Variants in CD1B observed in about 807,000 individuals in gnomAD.
The protein encoded by CD1B is CD1b molecule.
A neutral mutation model predicts 39.8 loss-of-function variants in CD1B; 43 were observed. The ratio of observed to expected loss-of-function variants is 1.08; its 90% CI spans 0.85 to 1.39. CD1B has a LOEUF of 1.39. Ranked by LOEUF, CD1B falls within the 40% of genes most tolerant of loss-of-function variation. The pLI is 0.00. For missense variants in CD1B, 495 were observed against 403.8 expected (o/e 1.23, Z -1.94); for synonymous variants, 192 against 152.5 (o/e 1.26, Z -1.91).
chr1:158,320,901 G>A, the CD1B span, among the ~76,000 whole-genome samples: 2 of 151,954 alleles, frequency 1.3e-5, no homozygotes, highest in Non-Finnish European at 2.9e-5. Flanking sequence ...TTTTTAATAT[G>A]TTAAGACTTT....
At chr1:158,290,905 A>G in the CD1B span, among the ~76,000 whole-genome samples, 1 of 152,138 alleles carries the variant, frequency 6.6e-6, no homozygotes, top group Admixed American at 6.5e-5. Flanking sequence ...AAGATGGATC[A>G]ATGAAGAAGC....
chr1:158,324,980 T>C (rs938770544), downstream of CD1B, among the ~76,000 whole-genome samples: 11 of 152,130 alleles, frequency 7.2e-5, no homozygotes, highest in Non-Finnish European at 1.6e-4. Flanking sequence ...TTCATGAGTA[T>C]ACAATTATGC....
the CD1B span, chr1:158,292,990 T>C: frequency 9.6e-7 from 1 of 1,041,060 alleles, no homozygotes; most frequent in Non-Finnish European, 1.4e-6. Flanking sequence ...ATGTATAGGG[T>C]AATTTAAAGA....
At chr1:158,318,397 G>T in the CD1B span, among the ~76,000 whole-genome samples, 1 of 152,176 alleles carries the variant, frequency 6.6e-6, no homozygotes, top group Non-Finnish European at 1.5e-5. Flanking sequence ...TTGTTGAATT[G>T]ATCCCTTTAC....
At chr1:158,295,994 A>G in the CD1B span, among the ~76,000 whole-genome samples, 1 of 152,022 alleles carries the variant, frequency 6.6e-6, no homozygotes, top group Non-Finnish European at 1.5e-5. Flanking sequence ...GCGTGCATGT[A>G]CCCTGCCACA....
chr1:158,325,515 G>A (rs920596157), downstream of CD1B, among the ~76,000 whole-genome samples: 6 of 152,100 alleles, frequency 3.9e-5, no homozygotes, highest in Non-Finnish European at 7.4e-5. Flanking sequence ...TAAAAATAAA[G>A]ATGTAATTTT....
chr1:158,318,595 G>C, the CD1B span, among the ~76,000 whole-genome samples: 1 of 152,142 alleles, frequency 6.6e-6, no homozygotes, highest in Non-Finnish European at 1.5e-5. Flanking sequence ...ACAGCACACT[G>C]ATGGGTCTTG....
At chr1:158,285,564 A>G in the CD1B span, among the ~76,000 whole-genome samples, 5,090 of 152,312 alleles carry the variant, frequency 0.033, 274 homozygotes, top group African/African-American at 0.11. Flanking sequence ...TTAAACATTA[A>G]GACAAAGAAG....
downstream of CD1B, among the ~76,000 whole-genome samples, chr1:158,326,909 G>T (rs1164767438): frequency 6.6e-6 from 1 of 152,086 alleles, no homozygotes; most frequent in Non-Finnish European, 1.5e-5. Flanking sequence ...TGATTCTCCT[G>T]CCTCAGCCTT....
the CD1B span, among the ~76,000 whole-genome samples, chr1:158,289,289 G>A: frequency 2.0e-5 from 3 of 152,142 alleles, no homozygotes; most frequent in Non-Finnish European, 2.9e-5. Flanking sequence ...GTAAGACACT[G>A]GTATCAACCA....
At chr1:158,329,289 C>A in intron 4 of CD1B, 81 bp downstream of exon 4, 3 of 1,509,656 alleles carry the variant, frequency 2.0e-6, no homozygotes, top group South Asian at 2.5e-5. Context: ...ATCTCTCAAG[C>A]TCTATCCTTC....
chr1:158,292,272 G>C, the CD1B span: 2 of 1,614,190 alleles, frequency 1.2e-6, no homozygotes, highest in Admixed American at 3.3e-5. Flanking sequence ...GTATGAAGGC[G>C]TCACAGAAAC....
chr1:158,304,648 G>C, the CD1B span, among the ~76,000 whole-genome samples: 24 of 152,282 alleles, frequency 1.6e-4, no homozygotes, highest in Non-Finnish European at 2.8e-4. Flanking sequence ...TCCTCAAGTG[G>C]GTCACTGATG....
At chr1:158,315,607 T>G in the CD1B span, among the ~76,000 whole-genome samples, 8 of 151,566 alleles carry the variant, frequency 5.3e-5, no homozygotes, top group Admixed American at 6.6e-5. Context: ...TTTTGTAGGT[T>G]GCCTGTTCAC....
chr1:158,321,159 C>T, the CD1B span, among the ~76,000 whole-genome samples: 2 of 152,164 alleles, frequency 1.3e-5, no homozygotes, highest in East Asian at 1.9e-4. Context: ...GGCCTATTAG[C>T]ATTTGCTTTA....
chr1:158,329,471 T>C lies in CD1B; in HGVS notation c.785A>G (p.Tyr262Cys). ...DILPNANWTW[Y>C]LRATLDVADG... ...TGCCACATCCAGGGTTGCTCGGAGA[T>C]ACCATGTCCAGTTAGCATTGGGCAG... is the stretch of plus-strand genomic sequence containing the variant. Residue 262 changes from tyrosine to cysteine, a missense_variant, in exon 4 of 6, where the codon TAT (tyrosine) becomes TGT (cysteine). Transcript: ENST00000368168. 4 of 1,614,168 alleles carry C rather than the reference T, an allele frequency of 2.5e-6. No homozygotes were observed. Among genetic ancestry groups the C allele is most frequent in the South Asian group, 1.1e-5 (1 of 91,084 alleles).
the CD1B span, among the ~76,000 whole-genome samples, chr1:158,300,198 T>C: frequency 2.6e-5 from 4 of 152,238 alleles, no homozygotes; most frequent in African/African-American, 9.6e-5. Flanking sequence ...TTTGTTCTCA[T>C]TGGTTTCCTA....
the CD1B span, among the ~76,000 whole-genome samples, chr1:158,316,205 T>C: frequency 6.6e-6 from 1 of 152,048 alleles, no homozygotes; most frequent in African/African-American, 2.4e-5. Flanking sequence ...AAGGCATTGG[T>C]AGCTTGATGG....
At chr1:158,312,394 C>T in the CD1B span, among the ~76,000 whole-genome samples, 3 of 152,188 alleles carry the variant, frequency 2.0e-5, no homozygotes, top group East Asian at 3.8e-4. Flanking sequence ...TGAGGCCACC[C>T]CAGCTACGTG....
Sources: allele counts gnomAD v4.1 joint callset (sites outside exome capture counted in the v4.1 genomes callset), GRCh38; gene constraint gnomAD v4.1.1; transcripts MANE v1.5; gene names NCBI Gene and HGNC (gene_info 2026-07-23, HGNC 2026-07-21).